MGAT4C: variants seen among roughly 807,000 people sequenced by gnomAD.
MGAT4C encodes alpha-1,3-mannosyl-glycoprotein 4-beta-N-acetylglucosaminyltransferase C.
MGAT4C carries 19 observed loss-of-function variants against 40.1 expected under a neutral mutation model. The observed-to-expected ratio is 0.47, with a 90% CI of 0.33 to 0.70. MGAT4C has a LOEUF of 0.70. MGAT4C is among the 30% of genes least tolerant of loss of function. The probability of loss-of-function intolerance (pLI) is 0.02; values close to 1 mark genes in which losing one functional copy is unlikely to be tolerated. For missense variants in MGAT4C, 491 were observed against 563.2 expected, an observed-to-expected ratio of 0.87 and a Z score of 1.30; for synonymous variants, 181 against 187.1, an observed-to-expected ratio of 0.97 and a Z score of 0.27.
intron 4 of MGAT4C, among the ~76,000 whole-genome samples, chr12:86,317,557 T>C (rs1201935119): frequency 4.6e-5 from 7 of 152,072 alleles, no homozygotes; most frequent in Admixed American, 6.5e-5. Context: ...GAGTATGACA[T>C]TGAGAGTAGG....
intron 3 of MGAT4C, among the ~76,000 whole-genome samples, chr12:86,387,712 G>T (rs772199498): frequency 3.3e-5 from 5 of 152,068 alleles, no homozygotes; most frequent in Non-Finnish European, 7.4e-5. Flanking sequence ...TACTGAAGCT[G>T]TAGTATGACT....
At chr12:86,200,465 T>C (rs1222781866) in intron 1 of MGAT4C, among the ~76,000 whole-genome samples, 1 of 152,118 alleles carries the variant, frequency 6.6e-6, no homozygotes, top group Non-Finnish European at 1.5e-5. Flanking sequence ...TCTTATACAC[T>C]ACCAGTATAT....
intron 1 of MGAT4C, among the ~76,000 whole-genome samples, chr12:86,797,483 G>C (rs1445204325): frequency 4.6e-5 from 7 of 151,422 alleles, no homozygotes; most frequent in Non-Finnish European, 3.0e-5. Flanking sequence ...AAATGTAACA[G>C]ATATTTTTTT....
intron 3 of MGAT4C, among the ~76,000 whole-genome samples, chr12:86,429,204 A>G (rs1956986630): frequency 6.6e-6 from 1 of 152,022 alleles, no homozygotes; most frequent in Non-Finnish European, 1.5e-5. Flanking sequence ...TTTCATTTTG[A>G]TTGCTTCAAT....
chr12:86,253,692 T>C (rs1356780920), intron 1 of MGAT4C, among the ~76,000 whole-genome samples: 1 of 151,970 alleles, frequency 6.6e-6, no homozygotes, highest in African/African-American at 2.4e-5. Context: ...ATAGTTACTA[T>C]ATTTTTTGGC....
chr12:86,280,954 TTTAA>T (rs1395002913), intron 4 of MGAT4C, among the ~76,000 whole-genome samples: 1 of 152,132 alleles, frequency 6.6e-6, no homozygotes, highest in Non-Finnish European at 1.5e-5. Context: ...ATCTTTGTCT[TTTAA>T]TTAGAGTGCT....
Position 86,656,624 on chromosome 12 carries a change from T to G in MGAT4C, c.-229+70585A>C, listed in dbSNP as rs566760116. 2.6e-5 allele frequency among the ~76,000 whole-genome samples: 4 copies of G among 152,198 alleles called. No homozygotes were observed. In the East Asian group the frequency reaches 7.8e-4, roughly 29 times the overall value. On this transcript the variant is annotated intron_variant, in intron 2 of 7. Transcript: ENST00000548651. ...ATTTCCTTGATTTACTCTCCAAAAT[T>G]GATATAACAGTTGCAGAAAACATCT... is the stretch of plus-strand genomic sequence containing the variant.
intron 1 of MGAT4C, among the ~76,000 whole-genome samples, chr12:86,210,401 A>G (rs1466916904): frequency 2.6e-5 from 4 of 152,224 alleles, no homozygotes. Flanking sequence ...AAAAACTGTG[A>G]TATGAGATGT....
At chr12:86,531,105 C>T (rs937202045) in intron 2 of MGAT4C, among the ~76,000 whole-genome samples, 1 of 151,976 alleles carries the variant, frequency 6.6e-6, no homozygotes, top group African/African-American at 2.4e-5. Context: ...AATAGTAGAG[C>T]ATTGACAACA....
At chr12:86,054,006 G>T (rs946868998) in intron 1 of MGAT4C, among the ~76,000 whole-genome samples, 2 of 151,946 alleles carry the variant, frequency 1.3e-5, no homozygotes, top group Non-Finnish European at 2.9e-5. Flanking sequence ...ATGTAAATTA[G>T]TACAGCCGCT....
chr12:86,572,251 A>C (rs1445800139), intron 2 of MGAT4C, among the ~76,000 whole-genome samples: 3 of 152,156 alleles, frequency 2.0e-5, no homozygotes, highest in African/African-American at 7.2e-5. Context: ...AAATAAAAAT[A>C]TATAAATCAA....
intron 1 of MGAT4C, among the ~76,000 whole-genome samples, chr12:86,155,133 C>A (rs1247235494): frequency 6.6e-6 from 1 of 152,104 alleles, no homozygotes; most frequent in Admixed American, 6.6e-5. Context: ...AACTATTTTT[C>A]AGGTAGGGAA....
chr12:86,205,697 A>G (rs1950223538), intron 1 of MGAT4C, among the ~76,000 whole-genome samples: 1 of 151,998 alleles, frequency 6.6e-6, no homozygotes, highest in Non-Finnish European at 1.5e-5. Flanking sequence ...ATAAATGTGT[A>G]CTTTACCTAA....
intron 2 of MGAT4C, among the ~76,000 whole-genome samples, chr12:86,538,713 T>C (rs1238800844): frequency 6.6e-6 from 1 of 151,260 alleles, no homozygotes; most frequent in Non-Finnish European, 1.5e-5. Flanking sequence ...GTTCATGCCA[T>C]TCTCCTGCCT....
intron 1 of MGAT4C, among the ~76,000 whole-genome samples, chr12:86,128,186 C>T (rs1219575893): frequency 6.6e-6 from 1 of 152,144 alleles, no homozygotes; most frequent in Non-Finnish European, 1.5e-5. Context: ...CCATTATAAT[C>T]TTATGGGATC....
At chr12:86,191,751 G>GGTGTGTGTGTGTGTGTGTGTGTGTGTGT (rs570173863) in intron 1 of MGAT4C, among the ~76,000 whole-genome samples, 2 of 98,572 alleles carry the variant, frequency 2.0e-5, no homozygotes, top group South Asian at 6.3e-4. Context: ...AGGAGATAAA[G>GGTGTGTGTGTGTGTGTGTGTGTGTGTGT]GTGTGTGTGT....
At chr12:86,013,067 C>A (rs1888672229) in intron 2 of MGAT4C, among the ~76,000 whole-genome samples, 1 of 151,804 alleles carries the variant, frequency 6.6e-6, no homozygotes, top group African/African-American at 2.4e-5. Flanking sequence ...CCCAGGCATT[C>A]AAGGCTTCAA....
intron 2 of MGAT4C, among the ~76,000 whole-genome samples, chr12:86,646,316 A>C (rs1593075918): frequency 6.6e-6 from 1 of 151,998 alleles, no homozygotes; most frequent in South Asian, 2.1e-4. Context: ...CAAGCATAAA[A>C]ATTCACCTAA....
chr12:86,799,503 A>G (rs1952187629), intron 1 of MGAT4C, among the ~76,000 whole-genome samples: 1 of 151,860 alleles, frequency 6.6e-6, no homozygotes, highest in Non-Finnish European at 1.5e-5. Flanking sequence ...CCTTTAAGCT[A>G]TCATTATGTC....
Sources: gnomAD v4.1 joint callset for allele counts (sites outside exome capture counted in the v4.1 genomes callset) on GRCh38, gnomAD v4.1.1 for gene constraint, MANE v1.5 for transcripts, NCBI Gene and HGNC (gene_info 2026-07-23, HGNC 2026-07-21) for gene names.